The following FBLN1 variants were observed in gnomAD, a reference collection of about 807,000 sequenced individuals.
The protein encoded by FBLN1 is fibulin 1, also known as fibulin-1.
In FBLN1, 34 loss-of-function variants were observed where a neutral mutation model predicts 89.7. The observed-to-expected ratio is 0.38, with a 90% confidence interval of 0.29 to 0.50. FBLN1 has a LOEUF of 0.50. FBLN1 is among the 20% of genes least tolerant of loss of function. The pLI is 0.92. For missense variants in FBLN1, 777 were observed against 988.1 expected (o/e 0.79, Z 2.86); for synonymous variants, 393 against 391.3 (o/e 1.00, Z -0.05).
In FBLN1 at chr22:45,580,000, C is replaced by T. The variant is rs373175104; in HGVS notation, c.1972+2892C>T. 1.3e-5 allele frequency among the ~76,000 whole-genome samples: 2 copies of T among 152,226 alleles called. No homozygotes were observed. The highest frequency in any genetic ancestry group is 1.3e-4 in the Admixed American group (2 of 15,284). On this transcript the variant is annotated intron_variant, in intron 16 of 16. Transcript: ENST00000327858. This position sits in a 1 kb window ranked among gnomAD's most constrained non-coding sequence, Gnocchi z 5.5. Reference sequence around the variant, plus strand: ...GGTTGAACCCTTGCCGGCTCCTTACCGTTGCTGGGCACCTTCACCCCCGCA... The same window carrying T: ...GGTTGAACCCTTGCCGGCTCCTTACTGTTGCTGGGCACCTTCACCCCCGCA...
At chr22:45,555,651 C>G (rs2147002493) in intron 14 of FBLN1, among the ~76,000 whole-genome samples, 1 of 152,262 alleles carries the variant, frequency 6.6e-6, no homozygotes. Flanking sequence ...CAGACACACC[C>G]AGGATCAATA....
In FBLN1 at chr22:45,526,834, C is replaced by T. The variant is rs371979585; in HGVS notation, c.322-1013C>T. Among the ~76,000 whole-genome samples the T allele has an allele frequency of 3.3e-4, 50 of 152,084 alleles. 1 individual carries two copies. In the South Asian group the frequency reaches 8.5e-3, roughly 26 times the overall value. On this transcript the variant is annotated intron_variant, in intron 3 of 16. Transcript: ENST00000327858. Reference sequence around the variant, plus strand: ...CGTTTCATGACTGCCCCCGCACCCTCCCACCCAACACCCAATGCAGGGCTG... The same window carrying T: ...CGTTTCATGACTGCCCCCGCACCCTTCCACCCAACACCCAATGCAGGGCTG...
Position 45,557,925 on chromosome 22 carries a change from C to T in FBLN1, c.1697+7310C>T. On this transcript the variant is annotated intron_variant, in intron 14 of 16. Transcript: ENST00000327858. The surrounding 1 kb of genome is among the most constrained non-coding windows in gnomAD (Gnocchi z 4.9). ...CAGGTGCATTGCTTGAAGTTCTGCC[C>T]ACTGGGAAGATTTCCCTTTGCCACT... The T allele has an allele frequency of 1.6e-6, 1 of 625,598 alleles. No homozygotes were observed. Among genetic ancestry groups the T allele is most frequent in the Non-Finnish European group, 3.0e-6 (1 of 334,488 alleles). The allele number at this position is 625,598 out of a possible 1,614,324, so 38.8% of individuals were successfully genotyped here. A position where few individuals can be genotyped will look rare whatever the true frequency, so the allele number is the denominator to read the frequency against.
intron 2 of FBLN1, among the ~76,000 whole-genome samples, chr22:45,520,080 G>C (rs906895079): frequency 2.0e-5 from 3 of 152,146 alleles, no homozygotes; most frequent in African/African-American, 7.2e-5. Flanking sequence ...TGAGACAAGA[G>C]AATCGCTTGA....
At chr22:45,522,397 A>G (rs1206494734) in intron 2 of FBLN1, among the ~76,000 whole-genome samples, 1 of 152,232 alleles carries the variant, frequency 6.6e-6, no homozygotes, top group Non-Finnish European at 1.5e-5. Context: ...AAGAGGCAGG[A>G]TGAAAGCCAT....
chr22:45,590,208 C>T lies in FBLN1; in HGVS notation c.1973-10099C>T, dbSNP rs551325675. Among the ~76,000 whole-genome samples, 8 of 152,328 alleles carry T rather than the reference C, an allele frequency of 5.3e-5. No individual in the cohort carries two copies. Among genetic ancestry groups the T allele is most frequent in the Non-Finnish European group, 7.3e-5 (5 of 68,030 alleles). On this transcript the variant is annotated intron_variant, in intron 16 of 16. Coordinates refer to ENST00000327858, the MANE Select transcript of FBLN1 (RefSeq NM_006486.3). This position sits in a 1 kb window ranked among gnomAD's most constrained non-coding sequence, Gnocchi z 4.1. ...CCCCTCTCTGCACTCAAGGGCTGCC[C>T]GCCAGGCCAGCCTCTCTTCCCCCCC...
At chr22:45,589,689 T>C (rs1163708125) in intron 16 of FBLN1, among the ~76,000 whole-genome samples, 2 of 152,112 alleles carry the variant, frequency 1.3e-5, no homozygotes, top group African/African-American at 4.8e-5. Flanking sequence ...GCGGCTCCCA[T>C]GGCTCCAGGA....
At chr22:45,570,707 T>C (rs988132105) in intron 14 of FBLN1, among the ~76,000 whole-genome samples, 9 of 152,060 alleles carry the variant, frequency 5.9e-5, no homozygotes, top group African/African-American at 2.2e-4. Flanking sequence ...TCAAGAAAAC[T>C]TTCCATAAAT....
chr22:45,531,392 G>T lies in FBLN1; in HGVS notation c.544+68G>T. 3.6e-6 allele frequency: 5 copies of T among 1,390,636 alleles called. No individual in the cohort carries two copies. The highest frequency in any genetic ancestry group is 5.1e-6 in the Non-Finnish European group (5 of 977,824). 86.1% of individuals were successfully genotyped at this position (1,390,636 alleles called of 1,614,324 possible). Reference sequence around the variant, plus strand: ...CCCAAGGGGCCAGCAAGGTGGCTCAGGCCTGTAATCCTAGTACTTTGGGAA... The same window carrying T: ...CCCAAGGGGCCAGCAAGGTGGCTCATGCCTGTAATCCTAGTACTTTGGGAA... On this transcript the variant is annotated intron_variant, in intron 5 of 16. Coordinates refer to ENST00000327858, the MANE Select transcript of FBLN1 (RefSeq NM_006486.3). The surrounding 1 kb of genome is among the most constrained non-coding windows in gnomAD (Gnocchi z 4.9).
At position 45,575,420 on chromosome 22, in the gene FBLN1, TGCTGGAGC is replaced by T. The variant is rs2088988675; in HGVS notation, c.1840+771_1840+778del. Among the ~76,000 whole-genome samples the T allele has an allele frequency of 6.6e-6, 1 of 152,112 alleles. No individual in the cohort carries two copies. The highest frequency in any genetic ancestry group is 2.1e-4 in the South Asian group (1 of 4,822). ...TTTGAGAAACTGAGCCAAGGTTTTCTGCTGGAGCGCTAGAGGCTTGGCAAGAGGTGGGC... is the reference window on the plus strand; with the variant it reads ...TTTGAGAAACTGAGCCAAGGTTTTCTGCTAGAGGCTTGGCAAGAGGTGGGC... On this transcript the variant is annotated intron_variant, in intron 15 of 16. Transcript: ENST00000327858. This position sits in a 1 kb window ranked among gnomAD's most constrained non-coding sequence, Gnocchi z 6.3.
Position 45,556,682 on chromosome 22 carries a change from A to G in FBLN1, c.1697+6067A>G, listed in dbSNP as rs2088792465. ...ATAGTCTGGGTCAGCCACCCCAGCC[A>G]ACACTGTAACTCCCTTCTTAGCCTG... On this transcript the variant is annotated intron_variant, in intron 14 of 16. Coordinates refer to ENST00000327858, the MANE Select transcript of FBLN1 (RefSeq NM_006486.3). This position sits in a 1 kb window ranked among gnomAD's most constrained non-coding sequence, Gnocchi z 4.6. Among the ~76,000 whole-genome samples, 1 of 152,156 alleles carries G rather than the reference A, an allele frequency of 6.6e-6. No individual in the cohort carries two copies. Among genetic ancestry groups the G allele is most frequent in the African/African-American group, 2.4e-5 (1 of 41,432 alleles).
intron 16 of FBLN1, among the ~76,000 whole-genome samples, chr22:45,594,194 C>A (rs964372129): frequency 6.6e-6 from 1 of 152,194 alleles, no homozygotes; most frequent in African/African-American, 2.4e-5. Context: ...TTCCTTGCTA[C>A]TTCTTCCTCC....
chr22:45,517,432 G>C (rs533258998), intron 1 of FBLN1: 9 of 400,354 alleles, frequency 2.2e-5, no homozygotes, highest in African/African-American at 1.9e-4. Context: ...GTGAGCTGAG[G>C]GGCTGGGAGG....
chr22:45,527,363 G>A (rs976277173), intron 3 of FBLN1, among the ~76,000 whole-genome samples: 1 of 152,154 alleles, frequency 6.6e-6, no homozygotes, highest in African/African-American at 2.4e-5. Flanking sequence ...TCAAATGCAC[G>A]GTGCAATTCC....
intron 7 of FBLN1, among the ~76,000 whole-genome samples, chr22:45,534,162 G>A (rs954720922): frequency 2.6e-5 from 4 of 151,954 alleles, no homozygotes; most frequent in Non-Finnish European, 5.9e-5. Flanking sequence ...TAGTTCAGCT[G>A]TTAGGAAAGA....
At chr22:45,540,490 CCT>C (rs2088541383) in intron 8 of FBLN1, among the ~76,000 whole-genome samples, 1 of 152,262 alleles carries the variant, frequency 6.6e-6, no homozygotes, top group African/African-American at 2.4e-5. Flanking sequence ...ACCATCACTC[CCT>C]CTCTTTGTTC....
intron 16 of FBLN1, among the ~76,000 whole-genome samples, chr22:45,594,169 T>C (rs907401591): frequency 1.3e-5 from 2 of 152,160 alleles, no homozygotes. Context: ...CGATGCTGCA[T>C]GTGGGCAGCG....
chr22:45,594,880 GGATA>G (rs1049308650), intron 16 of FBLN1, among the ~76,000 whole-genome samples: 27 of 151,944 alleles, frequency 1.8e-4, no homozygotes, highest in African/African-American at 6.3e-4. Flanking sequence ...ACGGATGGAT[GGATA>G]GATGGATTGG....
rs1569268294 is a variant in FBLN1, at chr22:45,590,944, G to A, written c.1973-9363G>A. ...CTCCGAGTTTGGGTCGGGGGCCCAG[G>A]AGGACCCCACCCAGCAGGTAGGTGG... On this transcript the variant is annotated intron_variant, in intron 16 of 16. Coordinates refer to ENST00000327858, the MANE Select transcript of FBLN1 (RefSeq NM_006486.3). The surrounding 1 kb of genome is among the most constrained non-coding windows in gnomAD (Gnocchi z 4.1). Among the ~76,000 whole-genome samples, 3 of 147,912 alleles carry A rather than the reference G, an allele frequency of 2.0e-5. No individual in the cohort carries two copies. Among genetic ancestry groups the A allele is most frequent in the Non-Finnish European group, 4.4e-5 (3 of 67,934 alleles).
Sources: gnomAD v4.1 joint callset for allele counts (sites outside exome capture counted in the v4.1 genomes callset) on GRCh38, gnomAD v4.1.1 for gene constraint, Gnocchi (gnomAD v3.1) non-coding constraint, MANE v1.5 for transcripts, NCBI Gene and HGNC (gene_info 2026-07-23, HGNC 2026-07-21) for gene names.